The following ARNT2 variants were observed in gnomAD, a reference collection of about 807,000 sequenced individuals.
ARNT2 encodes ARNT protein 2.
In ARNT2, 36 loss-of-function variants were observed where a neutral mutation model predicts 91.7. The ratio of observed to expected loss-of-function variants is 0.39; its 90% CI spans 0.30 to 0.52. The LOEUF is 0.52. Ranked by LOEUF, ARNT2 falls within the 20% of genes least tolerant of loss-of-function variation. ARNT2 has a pLI of 0.72. For missense variants in ARNT2, 775 were observed against 939.3 expected, an observed-to-expected ratio of 0.83 and a Z score of 2.29; for synonymous variants, 365 against 347.1, an observed-to-expected ratio of 1.05 and a Z score of -0.57.
intron 6 of ARNT2, among the ~76,000 whole-genome samples, chr15:80,511,012 A>G (rs529085679): frequency 2.6e-5 from 4 of 152,176 alleles, no homozygotes; most frequent in Admixed American, 6.5e-5. Flanking sequence ...TTGACCCAGC[A>G]ATCCCATTCC....
intron 1 of ARNT2, among the ~76,000 whole-genome samples, chr15:80,435,153 C>T (rs974441406): frequency 6.6e-6 from 1 of 152,184 alleles, no homozygotes; most frequent in Non-Finnish European, 1.5e-5. Context: ...GCACTGCCAT[C>T]GGGCCACCTG....
At chr15:80,444,355 G>GTGTGT (rs1896250838) in intron 1 of ARNT2, 8 of 150,352 alleles carry the variant, frequency 5.3e-5, no homozygotes, top group African/African-American at 2.0e-4. Flanking sequence ...GTGTGTACGT[G>GTGTGT]GTGTGTGTGT....
Position 80,554,355 on chromosome 15 carries a change from G to A in ARNT2, c.1090-710G>A, listed in dbSNP as rs572502327. Among the ~76,000 whole-genome samples, 17 of 152,318 alleles carry A rather than the reference G, an allele frequency of 1.1e-4. 1 individual carries two copies. The highest frequency in any genetic ancestry group is 4.1e-4 in the African/African-American group (17 of 41,562). ...ACCCAGGAGGCGGAGGTTGCAGTGA[G>A]CTGAGATCGCGCCATTGCACTCCAG... On this transcript the variant is annotated intron_variant, in intron 10 of 18. Coordinates refer to ENST00000303329, the MANE Select transcript of ARNT2 (RefSeq NM_014862.4).
intron 5 of ARNT2, among the ~76,000 whole-genome samples, chr15:80,497,708 C>T (rs1475211107): frequency 2.0e-5 from 3 of 152,190 alleles, no homozygotes; most frequent in Non-Finnish European, 4.4e-5. Flanking sequence ...GAGAAGCTCG[C>T]AGCCCATCAT....
At chr15:80,513,810 G>T in intron 6 of ARNT2, 101 bp from the exon 7 acceptor site, 8 of 957,542 alleles carry the variant, frequency 8.4e-6, no homozygotes, top group East Asian at 2.6e-5. Context: ...CTGAATAAAT[G>T]TGTAAGCATC....
intron 5 of ARNT2, among the ~76,000 whole-genome samples, chr15:80,484,805 G>C (rs1179972621): frequency 1.3e-5 from 2 of 152,194 alleles, no homozygotes; most frequent in African/African-American, 2.4e-5. Flanking sequence ...GAGGAGTGGT[G>C]GTGGGGATGG....
At chr15:80,563,516 T>C (rs1381810427) in intron 12 of ARNT2, among the ~76,000 whole-genome samples, 2 of 152,178 alleles carry the variant, frequency 1.3e-5, no homozygotes, top group African/African-American at 4.8e-5. Context: ...TCTGCTCCTC[T>C]TTTCTTCCCC....
At chr15:80,570,816 C>T (rs2141473884) in intron 12 of ARNT2, among the ~76,000 whole-genome samples, 1 of 152,328 alleles carries the variant, frequency 6.6e-6, no homozygotes, top group South Asian at 2.1e-4. Flanking sequence ...CTTGTGGGTT[C>T]TGAGCAATCA....
intron 3 of ARNT2, among the ~76,000 whole-genome samples, chr15:80,467,486 C>T (rs1896672453): frequency 6.6e-6 from 1 of 152,098 alleles, no homozygotes; most frequent in African/African-American, 2.4e-5. Context: ...AGAAGTCAGG[C>T]TGAAGAGCTG....
At chr15:80,588,845 G>C (rs1031427547) in intron 17 of ARNT2, among the ~76,000 whole-genome samples, 8 of 152,266 alleles carry the variant, frequency 5.3e-5, no homozygotes, top group African/African-American at 1.2e-4. Flanking sequence ...CTGACTCTTA[G>C]AGCAGCTCTC....
chr15:80,580,378 T>C (rs1162893302), intron 15 of ARNT2, 33 bp from the exon 16 acceptor site: 1 of 1,613,138 alleles, frequency 6.2e-7, no homozygotes. Context: ...ACCAGGTGTG[T>C]CCTCGGGATA....
At chr15:80,483,676 G>A (rs60566802) in intron 5 of ARNT2, among the ~76,000 whole-genome samples, 10,577 of 152,304 alleles carry the variant, frequency 0.069, 888 homozygotes, top group African/African-American at 0.19. Flanking sequence ...AGAGCGAGGA[G>A]CTGGTAGCAT....
At chr15:80,477,961 A>G (rs976375240) in intron 5 of ARNT2, among the ~76,000 whole-genome samples, 1 of 152,202 alleles carries the variant, frequency 6.6e-6, no homozygotes, top group Admixed American at 6.5e-5. Context: ...ATTAAGGTGT[A>G]AAGACAGTGT....
At chr15:80,536,296 G>A (rs118036782) in intron 8 of ARNT2, among the ~76,000 whole-genome samples, 1,631 of 152,314 alleles carry the variant, frequency 0.011, 20 homozygotes, top group East Asian at 0.04. Flanking sequence ...GCCAGGGTCT[G>A]ATTTACACAA....
At chr15:80,493,951 T>C (rs924490614) in intron 5 of ARNT2, among the ~76,000 whole-genome samples, 11 of 152,158 alleles carry the variant, frequency 7.2e-5, no homozygotes, top group African/African-American at 2.7e-4. Context: ...CTTCTCTCTC[T>C]GTCTTGCTCC....
At chr15:80,497,707 G>A (rs568049487) in intron 5 of ARNT2, among the ~76,000 whole-genome samples, 19 of 152,298 alleles carry the variant, frequency 1.2e-4, no homozygotes, top group Middle Eastern at 3.4e-3. Flanking sequence ...TGAGAAGCTC[G>A]CAGCCCATCA....
At position 80,513,898 on chromosome 15, in the gene ARNT2, T is replaced by C. The variant is rs1450691363; in HGVS notation, c.726-13T>C. On this transcript the variant is annotated splice_polypyrimidine_tract_variant and intron_variant, in intron 6 of 18. Coordinates refer to ENST00000303329, the MANE Select transcript of ARNT2 (RefSeq NM_014862.4). ...GGGTCTTTGCTCATTCTAATACACTTGTCACATCTTAGGTGTGGAAATGCT... is the reference window on the plus strand; with the variant it reads ...GGGTCTTTGCTCATTCTAATACACTCGTCACATCTTAGGTGTGGAAATGCT... The C allele has an allele frequency of 6.2e-7, 1 of 1,607,820 alleles. No individual in the cohort carries two copies. The highest frequency in any genetic ancestry group is 1.7e-5 in the Admixed American group (1 of 60,000).
In ARNT2 at chr15:80,519,860, A is replaced by ATTTTT. The variant is rs539637778; in HGVS notation, c.877+5470_877+5474dup. ...CCACCATGCCCGGCTAATTTTTTGT[A>ATTTTT]TTTTTTTTTTTTTTTTTTTACTAGA... is the stretch of plus-strand genomic sequence containing the variant. On this transcript the variant is annotated intron_variant, in intron 8 of 18. Coordinates refer to ENST00000303329, the MANE Select transcript of ARNT2 (RefSeq NM_014862.4). Among the ~76,000 whole-genome samples the ATTTTT allele has an allele frequency of 5.9e-5, 7 of 119,286 alleles. No individual in the cohort carries two copies. The South Asian group carries it at 1.7e-3, about 30-fold the overall frequency. The allele number at this position is 119,286 out of a possible 152,430, so 78.3% of individuals were successfully genotyped here. A position where few individuals can be genotyped will look rare whatever the true frequency, so the allele number is the denominator to read the frequency against.
intron 8 of ARNT2, among the ~76,000 whole-genome samples, chr15:80,524,705 T>C (rs1184255671): frequency 6.6e-6 from 1 of 151,940 alleles, no homozygotes; most frequent in Non-Finnish European, 1.5e-5. Context: ...TGAAACCCTG[T>C]CTCTATTAAA....
Sources: gnomAD v4.1 joint callset for allele counts (sites outside exome capture counted in the v4.1 genomes callset) on GRCh38, gnomAD v4.1.1 for gene constraint, MANE v1.5 for transcripts, NCBI Gene and HGNC (gene_info 2026-07-23, HGNC 2026-07-21) for gene names.